Variants in CFAP54 observed in about 807,000 individuals in gnomAD.
The protein encoded by CFAP54 is cilia and flagella associated protein 54.
Under a neutral mutation model 370.4 loss-of-function variants are expected in CFAP54, and 290 were observed. The ratio of observed to expected loss-of-function variants is 0.78; its 90% CI spans 0.71 to 0.86. The LOEUF is 0.86. CFAP54 is among the 40% of genes least tolerant of loss of function. The pLI is 0.00. For synonymous variants in CFAP54, 1,206 were observed against 1,236.5 expected, an observed-to-expected ratio of 0.98 and a Z score of 0.52; for missense variants, 3,399 against 3,528.7, an observed-to-expected ratio of 0.96 and a Z score of 0.93.
chr12:96,765,135 A>G lies in CFAP54; in HGVS notation c.8198A>G (p.His2733Arg). 3 of 1,541,462 alleles carry G rather than the reference A, an allele frequency of 1.9e-6. No individual in the cohort carries two copies. Among genetic ancestry groups the G allele is most frequent in the Non-Finnish European group, 2.7e-6 (3 of 1,130,486 alleles). Reference protein sequence around the residue: ...LLIGKKNTRMHKVNQVALPNI... With the variant: ...LLIGKKNTRMRKVNQVALPNI... ...ATTGGAAAGAAGAATACTAGAATGC[A>G]TAAAGTTAACCAAGTGGCATTACCA... Residue 2733 changes from histidine to arginine, a missense_variant, in exon 60 of 68, where the codon CAT becomes CGT. This residue lies in a region of CFAP54 where 2,796 missense variants were observed against 2,869.7 expected (regional missense o/e 0.97). Coordinates refer to ENST00000524981, the MANE Select transcript of CFAP54 (RefSeq NM_001306084.2).
In CFAP54 at chr12:96,554,772, A is replaced by C; in HGVS notation, c.2380A>C (p.Ile794Leu). ...TGAACTAATTCAAGCTCAGCATCGAATAGCTGTTGTGCTTCTGGACAAATT... is the reference window on the plus strand; with the variant it reads ...TGAACTAATTCAAGCTCAGCATCGACTAGCTGTTGTGCTTCTGGACAAATT... ...HLELIQAQHR[I>L]AVVLLDKLQV... Residue 794 changes from isoleucine to leucine, a missense_variant, in exon 17 of 68, where the codon ATA becomes CTA. Coordinates refer to ENST00000524981, the MANE Select transcript of CFAP54 (RefSeq NM_001306084.2). The C allele has an allele frequency of 1.3e-6, 2 of 1,534,770 alleles. No individual in the cohort carries two copies. The highest frequency in any genetic ancestry group is 1.7e-6 in the Non-Finnish European group (2 of 1,146,004).
At position 96,533,909 on chromosome 12, in the gene CFAP54, CT is replaced by C; in HGVS notation, c.1479del (p.Phe493LeufsTer35). 2 of 1,535,028 alleles carry C rather than the reference CT, an allele frequency of 1.3e-6. No homozygotes were observed. Among genetic ancestry groups the C allele is most frequent in the East Asian group, 4.9e-5 (2 of 40,834 alleles). Reference protein sequence around the residue: ...VDAAVKFIKLAFTYEEWSLFE... With the variant: ...VDAAVKFIKLXFTYEEWSLFE... ...GCTGCTGTGAAATTTATAAAATTAG[CT>C]TTTACCTATGAGGAGTGGAGTTTAT... On this transcript the variant is annotated frameshift_variant, in exon 10 of 68. Coordinates refer to ENST00000524981, the MANE Select transcript of CFAP54 (RefSeq NM_001306084.2). LOFTEE classifies it high-confidence loss of function.
rs1958634806 is a variant in CFAP54 at position 96,786,855 on chromosome 12, A to G, written c.8636A>G (p.Asn2879Ser). 1 of 1,535,402 alleles carries G rather than the reference A, an allele frequency of 6.5e-7. No homozygotes were observed. Among genetic ancestry groups the G allele is most frequent in the Non-Finnish European group, 8.7e-7 (1 of 1,146,546 alleles). Reference protein sequence around the residue: ...FPKELLCQLENPPLSEKDLRE... With the variant: ...FPKELLCQLESPPLSEKDLRE... ...AAAGAACTTCTTTGTCAACTGGAAA[A>G]TCCCCCTCTTTCAGAAAAAGACTTA... The change falls in exon 62 of 68, where the codon AAT becomes AGT. Residue 2879 changes from asparagine (N) to serine (S), a missense_variant. Asn to Ser is a conservative substitution (Grantham distance 46, BLOSUM62 1). Around this residue, in one of 3 missense-constraint regions of CFAP54, gnomAD observed 2,796 missense variants for 2,869.7 expected, o/e 0.97. Transcript: ENST00000524981.
At chr12:96,754,950 G>C (rs1053574158) in intron 56 of CFAP54, among the ~76,000 whole-genome samples, 3 of 151,980 alleles carry the variant, frequency 2.0e-5, no homozygotes, top group African/African-American at 7.3e-5. Context: ...CACTATGTTG[G>C]CCAGGCTGAT....
intron 42 of CFAP54, 55 bp downstream of exon 42, chr12:96,685,293 G>A (rs1957315575): frequency 1.3e-6 from 2 of 1,512,122 alleles, no homozygotes; most frequent in Non-Finnish European, 1.8e-6. Flanking sequence ...CTTGTGGGGT[G>A]CCCTCCTGTG....
At chr12:96,645,002 G>C (rs1319314323) in intron 33 of CFAP54, among the ~76,000 whole-genome samples, 8 of 152,164 alleles carry the variant, frequency 5.3e-5, no homozygotes, top group Admixed American at 3.9e-4. Flanking sequence ...CTAGCTTTCA[G>C]TGCAAGGGTA....
intron 33 of CFAP54, chr12:96,645,216 A>T (rs1423648455): frequency 8.8e-6 from 4 of 455,918 alleles, no homozygotes; most frequent in Non-Finnish European, 1.8e-5. Flanking sequence ...TAAAAATAGA[A>T]GATACATACA....
At chr12:96,758,631 T>C (rs1223148697) in intron 58 of CFAP54, among the ~76,000 whole-genome samples, 1 of 152,102 alleles carries the variant, frequency 6.6e-6, no homozygotes, top group Non-Finnish European at 1.5e-5. Flanking sequence ...TAGGAATAAC[T>C]TGTATTGGTG....
chr12:96,564,846 A>C (rs910146580), intron 19 of CFAP54, 81 bp downstream of exon 19: 1 of 515,750 alleles, frequency 1.9e-6, no homozygotes, highest in African/African-American at 2.0e-5. Context: ...TATTAAAAAT[A>C]ATGTGTTGCC....
chr12:96,709,701 TTTATTA>T lies in CFAP54; in HGVS notation c.6724+925_6724+930del, dbSNP rs71068827. On this transcript the variant is annotated intron_variant, in intron 48 of 67. Transcript: ENST00000524981. ...TGGGATAAGTCCCACTTGATCATGG[TTTATTA>T]TTATTATTATTATTATTATTATTAT... is the stretch of plus-strand genomic sequence containing the variant. 1.6e-3 allele frequency among the ~76,000 whole-genome samples: 224 copies of T among 144,092 alleles called. 1 individual carries two copies. The highest frequency in any genetic ancestry group is 5.5e-3 in the African/African-American group (214 of 38,978). 94.5% of individuals were successfully genotyped at this position (144,092 alleles called of 152,430 possible). A position where few individuals can be genotyped will look rare whatever the true frequency, so the allele number is the denominator to read the frequency against.
rs147651335 is a variant in CFAP54, at chr12:96,639,098, T to A, written c.4317-5080T>A. 4.4e-3 allele frequency among the ~76,000 whole-genome samples: 669 copies of A among 152,316 alleles called. 4 individuals carry two copies. The highest frequency in any genetic ancestry group is 0.015 in the African/African-American group (638 of 41,558). ...CTATAAATTTCCCTCTACACACTGCTTTGAATGTGTCCCAGAGATTCTGGT... is the reference window on the plus strand; with the variant it reads ...CTATAAATTTCCCTCTACACACTGCATTGAATGTGTCCCAGAGATTCTGGT... On this transcript the variant is annotated intron_variant, in intron 32 of 67. Transcript: ENST00000524981.
chr12:96,669,290 A>G (rs1272367902), intron 39 of CFAP54, among the ~76,000 whole-genome samples: 5 of 152,244 alleles, frequency 3.3e-5, no homozygotes, highest in Non-Finnish European at 7.3e-5. Flanking sequence ...AGTTAAAAGG[A>G]TTTAAAGAAA....
chr12:96,504,278 T>C (rs148017558), intron 3 of CFAP54, among the ~76,000 whole-genome samples: 64 of 152,336 alleles, frequency 4.2e-4, no homozygotes, highest in East Asian at 1.3e-3. Flanking sequence ...CTAATACTTG[T>C]AGAGTGCATT....
At chr12:96,691,072 T>G in intron 43 of CFAP54, 56 bp from the exon 44 acceptor site, 2 of 1,490,258 alleles carry the variant, frequency 1.3e-6, no homozygotes, top group Non-Finnish European at 1.8e-6. Flanking sequence ...CTTTTTTGTT[T>G]CATTATTGAA....
chr12:96,646,863 A>C lies in CFAP54; in HGVS notation c.4548-1012A>C, dbSNP rs530580380. ...AAACTATCGCAAGGACGAAAAATCA[A>C]ACACCGCATGTTCTCACTCATAGGT... On this transcript the variant is annotated intron_variant, in intron 33 of 67. Transcript: ENST00000524981. 3.1e-3 allele frequency: 465 copies of C among 152,342 alleles called. 2 individuals carry two copies. Among genetic ancestry groups the C allele is most frequent in the African/African-American group, 0.01 (425 of 41,566 alleles). The allele number at this position is 152,342 out of a possible 1,614,324, so 9.4% of individuals were successfully genotyped here.
intron 62 of CFAP54, among the ~76,000 whole-genome samples, chr12:96,787,145 T>C (rs542047465): frequency 1.3e-5 from 2 of 152,196 alleles, no homozygotes; most frequent in Non-Finnish European, 2.9e-5. Context: ...GAAGTTTCTA[T>C]ATTCCTGCAC....
intron 62 of CFAP54, among the ~76,000 whole-genome samples, chr12:96,788,924 C>T (rs1958655047): frequency 6.6e-6 from 1 of 152,100 alleles, no homozygotes; most frequent in South Asian, 2.1e-4. Flanking sequence ...TGCTCAGCAA[C>T]CCCATTCTGT....
intron 39 of CFAP54, among the ~76,000 whole-genome samples, chr12:96,679,235 G>C (rs1957244237): frequency 2.0e-5 from 3 of 151,684 alleles, no homozygotes; most frequent in African/African-American, 7.3e-5. Context: ...TCTTCTTTTT[G>C]TCTCTTTCCC....
At chr12:96,716,553 C>G (rs1398287742) in intron 48 of CFAP54, among the ~76,000 whole-genome samples, 1 of 152,190 alleles carries the variant, frequency 6.6e-6, no homozygotes, top group Non-Finnish European at 1.5e-5. Context: ...TCAGGCTAAG[C>G]TGGTCTGTCA....
Sources: gnomAD v4.1 joint callset for allele counts (sites outside exome capture counted in the v4.1 genomes callset) on GRCh38, gnomAD v4.1.1 for gene constraint, gnomAD v4.1.1 regional missense constraint, MANE v1.5 for transcripts, NCBI Gene and HGNC (gene_info 2026-07-23, HGNC 2026-07-21) for gene names.